The following TNFSF4 variants were observed in gnomAD, a reference collection of about 807,000 sequenced individuals.
TNFSF4 encodes tumor necrosis factor ligand superfamily member 4.
A neutral mutation model predicts 7.3 loss-of-function variants in TNFSF4; 4 were observed. That is an observed-to-expected ratio of 0.55 (90% CI 0.27 to 1.25). The LOEUF is 1.25. TNFSF4 is among the 50% of genes most tolerant of loss of function. The probability of loss-of-function intolerance (pLI) is 0.12; values close to 1 mark genes in which losing one functional copy is unlikely to be tolerated. For synonymous variants in TNFSF4, 76 were observed against 83.7 expected (o/e 0.91, Z 0.50); for missense variants, 181 against 208.8 (o/e 0.87, Z 0.82).
chr1:173,268,184 G>A, the TNFSF4 span, among the ~76,000 whole-genome samples: 13 of 152,054 alleles, frequency 8.5e-5, no homozygotes, highest in African/African-American at 3.1e-4. Context: ...AGCAAAAATG[G>A]TAACAGGAGA....
chr1:173,442,697 C>T, the TNFSF4 span, among the ~76,000 whole-genome samples: 1 of 151,578 alleles, frequency 6.6e-6, no homozygotes, highest in Non-Finnish European at 1.5e-5. Context: ...ATTACAGGCA[C>T]CCGCCACCAT....
the TNFSF4 span, among the ~76,000 whole-genome samples, chr1:173,398,069 G>T: frequency 6.6e-6 from 1 of 152,144 alleles, no homozygotes; most frequent in East Asian, 1.9e-4. Context: ...CTCCATATCT[G>T]TCCATAAGGC....
the TNFSF4 span, among the ~76,000 whole-genome samples, chr1:173,285,991 T>C: frequency 1.3e-5 from 2 of 152,154 alleles, no homozygotes; most frequent in South Asian, 2.1e-4. Flanking sequence ...CTGACCAATA[T>C]GAAAAGACAC....
the TNFSF4 span, among the ~76,000 whole-genome samples, chr1:173,230,253 T>C: frequency 1.3e-5 from 2 of 152,262 alleles, no homozygotes; most frequent in East Asian, 1.9e-4. Context: ...TGCAATCAAA[T>C]TAGAACTCAG....
the TNFSF4 span, among the ~76,000 whole-genome samples, chr1:173,294,812 G>C: frequency 2.0e-5 from 3 of 151,896 alleles, no homozygotes; most frequent in Admixed American, 2.0e-4. Context: ...GGCAGACTAG[G>C]AGAAAAGCCA....
At chr1:173,349,114 C>T in the TNFSF4 span, among the ~76,000 whole-genome samples, 653 of 152,212 alleles carry the variant, frequency 4.3e-3, 2 homozygotes, top group African/African-American at 0.015. Context: ...CTGCAAGCTC[C>T]GCCCCCCGGG....
rs1485263682 is a variant in TNFSF4, at chr1:173,185,193, T to A, written c.*1323A>T. 3.9e-5 allele frequency: 6 copies of A among 152,240 alleles called. No individual in the cohort carries two copies. The highest frequency in any genetic ancestry group is 1.4e-4 in the African/African-American group (6 of 41,464). 9.4% of individuals were successfully genotyped at this position (152,240 alleles called of 1,614,324 possible). The stretch of plus-strand genomic sequence containing the variant: ...AATGTCAGGGAAACATGTGCTACAA[T>A]TTTAAAATACATATCTCAAAAATTT... On this transcript the variant is annotated 3_prime_UTR_variant, in exon 3 of 3. Coordinates refer to ENST00000281834, the MANE Select transcript of TNFSF4 (RefSeq NM_003326.5).
the TNFSF4 span, among the ~76,000 whole-genome samples, chr1:173,266,153 A>G: frequency 1.3e-5 from 2 of 152,194 alleles, no homozygotes; most frequent in Non-Finnish European, 2.9e-5. Flanking sequence ...AACCTAGGGT[A>G]GTGGGAAATA....
the TNFSF4 span, among the ~76,000 whole-genome samples, chr1:173,342,512 T>C: frequency 1.3e-5 from 2 of 149,410 alleles, no homozygotes; most frequent in African/African-American, 4.9e-5. Context: ...AATGATGCAT[T>C]ATGCAAAAAA....
the TNFSF4 span, among the ~76,000 whole-genome samples, chr1:173,224,840 A>G: frequency 6.6e-6 from 1 of 152,060 alleles, no homozygotes; most frequent in African/African-American, 2.4e-5. Flanking sequence ...CACACTTTCT[A>G]CCCAAACCTT....
the TNFSF4 span, among the ~76,000 whole-genome samples, chr1:173,403,293 A>G: frequency 6.6e-6 from 1 of 152,162 alleles, no homozygotes; most frequent in Non-Finnish European, 1.5e-5. Flanking sequence ...TTCACCCTAG[A>G]AATGCCATCT....
At chr1:173,449,933 G>C in the TNFSF4 span, among the ~76,000 whole-genome samples, 114 of 152,162 alleles carry the variant, frequency 7.5e-4, no homozygotes, top group African/African-American at 2.6e-3. Context: ...ATTATTAGAA[G>C]ACCAGAACTC....
intron 1 of TNFSF4, among the ~76,000 whole-genome samples, chr1:173,202,399 G>T (rs988799255): frequency 6.6e-6 from 1 of 152,100 alleles, no homozygotes; most frequent in Non-Finnish European, 1.5e-5. Context: ...TCATCACTCT[G>T]CAAATAGTGA....
At chr1:173,368,967 G>C in the TNFSF4 span, among the ~76,000 whole-genome samples, 2 of 152,068 alleles carry the variant, frequency 1.3e-5, no homozygotes, top group African/African-American at 2.4e-5. Flanking sequence ...AGGCACCCAG[G>C]CTCACCAATA....
chr1:173,390,739 TTTTTTTTTTTC>T, the TNFSF4 span, among the ~76,000 whole-genome samples: 3 of 66,210 alleles, frequency 4.5e-5, no homozygotes, highest in African/African-American at 2.0e-4. Flanking sequence ...TTCTGCTTCT[TTTTTTTTTTTC>T]TTTTTTTTTT....
chr1:173,318,067 C>A, the TNFSF4 span, among the ~76,000 whole-genome samples: 1 of 152,304 alleles, frequency 6.6e-6, no homozygotes, highest in East Asian at 1.9e-4. Flanking sequence ...CACGTAGTAG[C>A]TGGACAATTG....
chr1:173,368,525 C>A, the TNFSF4 span, among the ~76,000 whole-genome samples: 1 of 152,004 alleles, frequency 6.6e-6, no homozygotes, highest in Admixed American at 6.6e-5. Flanking sequence ...AAGTGACTAG[C>A]ACAGGGCCTG....
At chr1:173,406,356 C>A in the TNFSF4 span, among the ~76,000 whole-genome samples, 2 of 152,060 alleles carry the variant, frequency 1.3e-5, no homozygotes, top group Non-Finnish European at 2.9e-5. Flanking sequence ...GAGCTATATG[C>A]CCCAGTGCTT....
the TNFSF4 span, among the ~76,000 whole-genome samples, chr1:173,334,395 CT>C: frequency 1.3e-5 from 2 of 152,180 alleles, no homozygotes; most frequent in Non-Finnish European, 2.9e-5. Flanking sequence ...CCACTTGATC[CT>C]GTCAAGGTAA....
Sources: allele counts gnomAD v4.1 joint callset (sites outside exome capture counted in the v4.1 genomes callset), GRCh38; gene constraint gnomAD v4.1.1; transcripts MANE v1.5; gene names NCBI Gene and HGNC (gene_info 2026-07-23, HGNC 2026-07-21).